Variants in PCDH15 observed in about 807,000 individuals in gnomAD.
The protein encoded by PCDH15 is protocadherin-15.
Under a neutral mutation model 178.5 loss-of-function variants are expected in PCDH15, and 129 were observed. That is an observed-to-expected ratio of 0.72 (90% CI 0.63 to 0.84). The LOEUF is 0.84. PCDH15 is among the 40% of genes least tolerant of loss of function. The probability of loss-of-function intolerance (pLI) is 0.00; values close to 1 mark genes in which losing one functional copy is unlikely to be tolerated. For missense variants in PCDH15, 2,230 were observed against 2,099.9 expected (o/e 1.06, Z -1.21); for synonymous variants, 800 against 732.0 (o/e 1.09, Z -1.50).
At chr10:54,004,838 T>C (rs1458506173) in intron 20 of PCDH15, among the ~76,000 whole-genome samples, 1 of 140,708 alleles carries the variant, frequency 7.1e-6, no homozygotes, top group Non-Finnish European at 1.5e-5. Context: ...AAGACCTAGA[T>C]AGCCAAAGCT....
intron 3 of PCDH15, among the ~76,000 whole-genome samples, chr10:54,879,182 T>TTGTG (rs5785100): frequency 0.038 from 5,640 of 149,046 alleles, 270 homozygotes; most frequent in African/African-American, 0.11. Flanking sequence ...CACGTGCTGT[T>TTGTG]TGTGTGTGTG....
intron 9 of PCDH15, among the ~76,000 whole-genome samples, chr10:54,236,470 A>T (rs539741607): frequency 2.0e-5 from 3 of 152,172 alleles, no homozygotes. Context: ...AAGGTAAAAC[A>T]CGTGTAAAAT....
At chr10:54,222,439 G>T (rs1463398619) in intron 9 of PCDH15, among the ~76,000 whole-genome samples, 1 of 152,184 alleles carries the variant, frequency 6.6e-6, no homozygotes, top group Non-Finnish European at 1.5e-5. Flanking sequence ...GTAGTATAAA[G>T]ATTTGGAGAC....
chr10:54,714,696 C>T (rs1327630000), intron 1 of PCDH15, among the ~76,000 whole-genome samples: 2 of 152,116 alleles, frequency 1.3e-5, no homozygotes, highest in African/African-American at 2.4e-5. Context: ...TTAAGTTCTT[C>T]AAGCCCATGG....
chr10:55,080,557 G>A (rs1842013703), intron 2 of PCDH15, among the ~76,000 whole-genome samples: 1 of 152,054 alleles, frequency 6.6e-6, no homozygotes, highest in Non-Finnish European at 1.5e-5. Flanking sequence ...GGGAGTCCTG[G>A]GTAGTACATT....
chr10:55,478,244 C>G (rs953045773), intron 2 of PCDH15, among the ~76,000 whole-genome samples: 1 of 151,670 alleles, frequency 6.6e-6, no homozygotes, highest in African/African-American at 2.4e-5. Flanking sequence ...TCCCACTGTT[C>G]TGCAATGGAT....
chr10:55,372,470 T>G (rs2131991078), intron 2 of PCDH15, among the ~76,000 whole-genome samples: 1 of 152,328 alleles, frequency 6.6e-6, no homozygotes, highest in African/African-American at 2.4e-5. Flanking sequence ...TCTTCAAGAT[T>G]ATTACAACCC....
At chr10:54,446,216 A>G (rs2076133404) in intron 3 of PCDH15, among the ~76,000 whole-genome samples, 1 of 151,618 alleles carries the variant, frequency 6.6e-6, no homozygotes, top group African/African-American at 2.4e-5. Context: ...CTTTCTCTCT[A>G]TAGTTTTCTT....
At chr10:54,638,467 C>T (rs1444128040) in intron 2 of PCDH15, among the ~76,000 whole-genome samples, 1 of 152,004 alleles carries the variant, frequency 6.6e-6, no homozygotes, top group East Asian at 1.9e-4. Flanking sequence ...TCATTATACT[C>T]AGTTAAGTCA....
intron 2 of PCDH15, among the ~76,000 whole-genome samples, chr10:55,133,614 C>G (rs561825668): frequency 1.3e-5 from 2 of 152,234 alleles, no homozygotes; most frequent in African/African-American, 4.8e-5. Context: ...TCCTTTCACA[C>G]AAGTTTAATA....
At chr10:54,324,693 A>G (rs80144420) in intron 7 of PCDH15, among the ~76,000 whole-genome samples, 4,408 of 152,152 alleles carry the variant, frequency 0.029, 211 homozygotes, top group African/African-American at 0.1. Flanking sequence ...TGAACACGAG[A>G]GGCGAAGGCT....
chr10:54,633,383 A>C (rs1008649179), intron 2 of PCDH15, among the ~76,000 whole-genome samples: 8 of 152,096 alleles, frequency 5.3e-5, no homozygotes, highest in African/African-American at 1.9e-4. Flanking sequence ...AAGTTGCCCT[A>C]ATCATTTAGA....
At chr10:55,363,994 T>A (rs1303806664) in intron 2 of PCDH15, among the ~76,000 whole-genome samples, 1 of 152,052 alleles carries the variant, frequency 6.6e-6, no homozygotes, top group Non-Finnish European at 1.5e-5. Flanking sequence ...TCCCCATATG[T>A]CAACGGAGAG....
At chr10:54,982,330 T>A (rs1463684243) in intron 2 of PCDH15, among the ~76,000 whole-genome samples, 1 of 152,156 alleles carries the variant, frequency 6.6e-6, no homozygotes, top group Non-Finnish European at 1.5e-5. Context: ...TGTAGAAAAT[T>A]ATAATTAAAC....
chr10:54,725,136 G>A (rs1942292172), intron 1 of PCDH15, among the ~76,000 whole-genome samples: 1 of 151,244 alleles, frequency 6.6e-6, no homozygotes, highest in South Asian at 2.1e-4. Context: ...AACACTGTGG[G>A]TTCATGAGCC....
At chr10:55,201,150 T>C (rs1840236791) in intron 1 of PCDH15, among the ~76,000 whole-genome samples, 1 of 152,082 alleles carries the variant, frequency 6.6e-6, no homozygotes, top group Non-Finnish European at 1.5e-5. Flanking sequence ...AAATTATTAC[T>C]CTTTCTGCTA....
intron 3 of PCDH15, chr10:54,869,143 T>A (rs1175281227): frequency 6.6e-6 from 1 of 152,104 alleles, no homozygotes; most frequent in Non-Finnish European, 1.5e-5. Flanking sequence ...ACCACACCAA[T>A]GACTGAGGTT....
intron 2 of PCDH15, among the ~76,000 whole-genome samples, chr10:55,522,979 G>T (rs951721736): frequency 5.3e-5 from 8 of 151,472 alleles, no homozygotes; most frequent in African/African-American, 1.9e-4. Context: ...ATCTACTTGA[G>T]AATTTTTATT....
intron 21 of PCDH15, among the ~76,000 whole-genome samples, chr10:53,990,539 T>C (rs1454329935): frequency 1.3e-5 from 2 of 148,750 alleles, no homozygotes. Context: ...ATATATGTTT[T>C]ATATATGTTA....
Sources: allele counts gnomAD v4.1 joint callset (sites outside exome capture counted in the v4.1 genomes callset), GRCh38; gene constraint gnomAD v4.1.1; transcripts MANE v1.5; gene names NCBI Gene and HGNC (gene_info 2026-07-23, HGNC 2026-07-21).